Variants in OGG1 observed in about 807,000 individuals in gnomAD.
OGG1 encodes N-glycosylase/DNA lyase.
A neutral mutation model predicts 42.3 loss-of-function variants in OGG1; 35 were observed. The ratio of observed to expected loss-of-function variants is 0.83; its 90% CI spans 0.63 to 1.10. OGG1 has a LOEUF of 1.10. Ranked by LOEUF, OGG1 falls within the 50% of genes least tolerant of loss-of-function variation. The pLI, the probability that OGG1 is intolerant of heterozygous loss-of-function variation, is 0.00. For missense variants in OGG1, 484 were observed against 446.7 expected (o/e 1.08, Z -0.75); for synonymous variants, 189 against 179.0 (o/e 1.06, Z -0.44).
chr3:9,783,895 T>C, intron 3 of OGG1: 2 of 1,409,828 alleles, frequency 1.4e-6, no homozygotes, highest in South Asian at 1.6e-5. Flanking sequence ...ACTGCTGTTT[T>C]TTTCGAGGCT....
rs191888317 is a variant in OGG1, at chr3:9,778,757, T to C, written c.295-2756T>C. On this transcript the variant is annotated intron_variant, in intron 2 of 3. Coordinates refer to the OGG1 transcript ENST00000426518. ...ACATGCCTGCTTCTGGGACTAATCA[T>C]TGTGGCTAGAGGGATTGGCACTTGA... Among the ~76,000 whole-genome samples the C allele has an allele frequency of 1.6e-3, 247 of 152,238 alleles. 3 individuals are homozygous for C. Among genetic ancestry groups the C allele is most frequent in the Admixed American group, 0.011 (163 of 15,292 alleles).
chr3:9,790,100 C>T (rs946613865), downstream of OGG1: 34 of 1,105,106 alleles, frequency 3.1e-5, no homozygotes, highest in African/African-American at 5.1e-4. Flanking sequence ...CTAGTAAACT[C>T]TTACTCATCC....
downstream of OGG1, chr3:9,767,783 T>G (rs770644574): frequency 6.2e-7 from 1 of 1,612,772 alleles, no homozygotes; most frequent in Admixed American, 1.7e-5. Context: ...CCAGGGCTCC[T>G]GTAAGGAGAA....
chr3:9,765,952 C>T, exon 8 of OGG1: 2 of 1,614,214 alleles, frequency 1.2e-6, no homozygotes. Context: ...CCAGCCTCTC[C>T]TCCATTCCCT....
intron 7 of OGG1, chr3:9,765,615 A>C (rs2078117834): frequency 1.0e-6 from 1 of 957,410 alleles, no homozygotes; most frequent in African/African-American, 1.6e-5. Flanking sequence ...CAACCCTGCC[A>C]AGTGGAAATT....
chr3:9,752,319 AGTAGAAT>A (rs2077340579), intron 3 of OGG1, among the ~76,000 whole-genome samples: 1 of 152,154 alleles, frequency 6.6e-6, no homozygotes, highest in Non-Finnish European at 1.5e-5. Flanking sequence ...TCATCTGTGA[AGTAGAAT>A]AATAATAGCA....
chr3:9,757,909 G>A, downstream of OGG1: 1 of 1,538,576 alleles, frequency 6.5e-7, no homozygotes, highest in Non-Finnish European at 8.8e-7. This position sits in a 1 kb window ranked among gnomAD's most constrained non-coding sequence, Gnocchi z 4.5. Context: ...AAGTCATGGG[G>A]CAGGGGCGCA....
intron 2 of OGG1, among the ~76,000 whole-genome samples, chr3:9,773,814 T>C (rs930218581): frequency 4.1e-4 from 63 of 152,184 alleles, no homozygotes; most frequent in Non-Finnish European, 3.1e-4. Context: ...CACCTCAGCC[T>C]CCGGAGTAGC....
At chr3:9,779,547 C>T (rs983351853) in intron 2 of OGG1, among the ~76,000 whole-genome samples, 2 of 151,908 alleles carry the variant, frequency 1.3e-5, no homozygotes, top group African/African-American at 4.8e-5. Flanking sequence ...AGGAGATATA[C>T]CTAATGTAAA....
downstream of OGG1, chr3:9,759,287 G>T (rs1559694503): frequency 6.2e-7 from 1 of 1,610,514 alleles, no homozygotes; most frequent in Non-Finnish European, 8.5e-7. Flanking sequence ...AGACTTGGAG[G>T]TGAGGGACCC....
rs144249605 is a variant in OGG1, at chr3:9,751,913, A to G, written c.529A>G (p.Thr177Ala). Residue 177 changes from threonine (T) to alanine (A), a missense_variant, in exon 3 of 7, where the codon ACC becomes GCC. Coordinates refer to ENST00000344629, the MANE Select transcript of OGG1 (RefSeq NM_002542.6). ...TCGGCTCATCCAGCTTGATGATGTC[A>G]CCTACCATGGCTTCCCCAGCCTGCA... is the stretch of plus-strand genomic sequence containing the variant. ...GPRLIQLDDV[T>A]YHGFPSLQAL... 1 of 1,614,064 alleles carries G rather than the reference A, an allele frequency of 6.2e-7. No individual in the cohort carries two copies. Among genetic ancestry groups the G allele is most frequent in the Non-Finnish European group, 8.5e-7 (1 of 1,180,010 alleles).
intron 2 of OGG1, among the ~76,000 whole-genome samples, chr3:9,775,132 C>A (rs1397475306): frequency 6.6e-6 from 1 of 151,758 alleles, no homozygotes; most frequent in East Asian, 1.9e-4. Context: ...CCCAGCTACT[C>A]GGGAGGTTGA....
chr3:9,755,501 G>A (rs964923333), intron 4 of OGG1, among the ~76,000 whole-genome samples: 1 of 113,508 alleles, frequency 8.8e-6, no homozygotes, highest in African/African-American at 3.5e-5. Context: ...GTCTTGCTTT[G>A]TTGCCAGGCT....
chr3:9,785,112 G>A (rs929309758), intron 3 of OGG1, among the ~76,000 whole-genome samples: 1 of 152,152 alleles, frequency 6.6e-6, no homozygotes, highest in African/African-American at 2.4e-5. Flanking sequence ...GGTTATTTAT[G>A]GTATGAACAG....
At chr3:9,755,608 C>T (rs1416879674) in intron 4 of OGG1, among the ~76,000 whole-genome samples, 4 of 152,124 alleles carry the variant, frequency 2.6e-5, no homozygotes, top group African/African-American at 7.2e-5. Context: ...GGATTACAGG[C>T]ATGCGCCACC....
chr3:9,767,932 T>G (rs1388985444), downstream of OGG1: 2 of 815,464 alleles, frequency 2.5e-6, no homozygotes. Context: ...ATTTGTTTAT[T>G]CAACATTCAG....
At chr3:9,766,488 A>C in exon 8 of OGG1, 1 of 404,438 alleles carries the variant, frequency 2.5e-6, no homozygotes, top group South Asian at 2.3e-5. Flanking sequence ...GTCAAAAAAA[A>C]GAAAAAAAAA....
chr3:9,754,760 G>C lies in OGG1; in HGVS notation c.622G>C (p.Val208Leu), dbSNP rs140163963. ...GGGCCTGGGCTATCGTGCCCGTTAC[G>C]TGAGTGCCAGTGCCCGAGCCATCCT... ...KLGLGYRARY[V>L]SASARAILEE... Residue 208 changes from valine (V) to leucine (L), a missense_variant, in exon 4 of 7, where the codon GTG becomes CTG. By Grantham distance (32) the Val-to-Leu change is conservative (BLOSUM62 1). Coordinates refer to ENST00000344629, the MANE Select transcript of OGG1 (RefSeq NM_002542.6). 5 of 1,614,060 alleles carry C rather than the reference G, an allele frequency of 3.1e-6. No homozygotes were observed. The African/African-American group carries it at 6.7e-5, about 22-fold the overall frequency.
downstream of OGG1, chr3:9,789,901 A>G (rs1234084331): frequency 6.2e-7 from 1 of 1,614,000 alleles, no homozygotes; most frequent in Admixed American, 1.7e-5. Flanking sequence ...CTCCAAGTTC[A>G]TGGTCTCGAC....
Sources: gnomAD v4.1 joint callset for allele counts (sites outside exome capture counted in the v4.1 genomes callset) on GRCh38, gnomAD v4.1.1 for gene constraint, Gnocchi (gnomAD v3.1) non-coding constraint, MANE v1.5 for transcripts, NCBI Gene and HGNC (gene_info 2026-07-23, HGNC 2026-07-21) for gene names.